The following NEGR1 variants were observed in gnomAD, a reference collection of about 807,000 sequenced individuals.
The protein encoded by NEGR1 is IgLON family member 4.
Under a neutral mutation model 40.9 loss-of-function variants are expected in NEGR1, and 10 were observed. That is an observed-to-expected ratio of 0.24 (90% CI 0.15 to 0.42). The LOEUF (loss-of-function observed/expected upper bound fraction) is 0.42. Ranked by LOEUF, NEGR1 falls within the 10% of genes least tolerant of loss-of-function variation. The probability of loss-of-function intolerance (pLI) is 1.00; values close to 1 mark genes in which losing one functional copy is unlikely to be tolerated. For missense variants in NEGR1, 352 were observed against 438.9 expected (o/e 0.80, Z 1.77); for synonymous variants, 185 against 166.8 (o/e 1.11, Z -0.84).
chr1:71,503,237 G>C (rs1445566891), intron 6 of NEGR1, among the ~76,000 whole-genome samples: 1 of 152,176 alleles, frequency 6.6e-6, no homozygotes, highest in African/African-American at 2.4e-5. Context: ...GGTGTGCCAA[G>C]CTTTAATTCT....
intron 1 of NEGR1, among the ~76,000 whole-genome samples, chr1:72,024,380 C>T: frequency 6.6e-6 from 1 of 151,794 alleles, no homozygotes. Flanking sequence ...AAGACAGGAT[C>T]ATTAACAGCA....
intron 2 of NEGR1, among the ~76,000 whole-genome samples, chr1:71,860,198 TA>T (rs35933746): frequency 0.42 from 62,186 of 146,394 alleles, 13,049 homozygotes; most frequent in East Asian, 0.61. Context: ...TCTCATCATT[TA>T]AAAAAAAAAA....
At chr1:72,163,534 T>C (rs1207235177) in intron 1 of NEGR1, among the ~76,000 whole-genome samples, 3 of 152,080 alleles carry the variant, frequency 2.0e-5, no homozygotes, top group Non-Finnish European at 2.9e-5. Context: ...GAGAATGTAG[T>C]TTTAGAACAA....
chr1:71,441,388 C>T lies in NEGR1; in HGVS notation c.941-33818G>A, dbSNP rs527464543. On this transcript the variant is annotated intron_variant, in intron 6 of 6. Transcript: ENST00000357731. ...GGGGGCAGTATGTATTTCCCTGCCT[C>T]ATGACTTTGAATTAGCCATGAGACT... is the stretch of plus-strand genomic sequence containing the variant. Among the ~76,000 whole-genome samples, 7 of 152,304 alleles carry T rather than the reference C, an allele frequency of 4.6e-5. No homozygotes were observed. In the South Asian group the frequency reaches 6.2e-4, roughly 14 times the overall value.
intron 6 of NEGR1, among the ~76,000 whole-genome samples, chr1:71,420,091 A>G (rs1533520): frequency 0.94 from 142,267 of 152,048 alleles, 66,955 homozygotes; most frequent in Non-Finnish European, 0.99. Flanking sequence ...GTTTGAAATC[A>G]TTTTTGACTA....
chr1:71,898,178 G>A (rs978996914), intron 2 of NEGR1, among the ~76,000 whole-genome samples: 1 of 152,150 alleles, frequency 6.6e-6, no homozygotes. Context: ...AGTCTGGTAG[G>A]TATTTAAAAT....
chr1:71,442,759 G>A (rs769127986), intron 6 of NEGR1, among the ~76,000 whole-genome samples: 2 of 152,238 alleles, frequency 1.3e-5, no homozygotes, highest in Non-Finnish European at 2.9e-5. Flanking sequence ...ACAGGTGAGT[G>A]TAATTCTGAG....
chr1:71,841,161 T>G (rs957083868), intron 2 of NEGR1, among the ~76,000 whole-genome samples: 1 of 152,048 alleles, frequency 6.6e-6, no homozygotes, highest in African/African-American at 2.4e-5. Context: ...AGTCACCCAA[T>G]AGAAGGATCA....
At chr1:72,119,059 T>G (rs1649691887) in intron 1 of NEGR1, among the ~76,000 whole-genome samples, 1 of 151,800 alleles carries the variant, frequency 6.6e-6, no homozygotes, top group South Asian at 2.1e-4. Context: ...TTTTCCAAGA[T>G]AAAAATATTA....
intron 1 of NEGR1, among the ~76,000 whole-genome samples, chr1:71,961,117 G>A (rs1388651976): frequency 1.6e-4 from 25 of 151,878 alleles, no homozygotes; most frequent in South Asian, 2.1e-4. Context: ...CATATTTTAG[G>A]CTCACTAAGA....
At chr1:71,618,367 T>A (rs1181783834) in intron 4 of NEGR1, among the ~76,000 whole-genome samples, 4 of 152,142 alleles carry the variant, frequency 2.6e-5, no homozygotes, top group African/African-American at 9.7e-5. Flanking sequence ...TGGGACAACC[T>A]CAAATCTCCA....
chr1:72,137,730 AT>A (rs1271752214), intron 1 of NEGR1, among the ~76,000 whole-genome samples: 2 of 152,184 alleles, frequency 1.3e-5, no homozygotes, highest in Non-Finnish European at 1.5e-5. Flanking sequence ...TAATAAAAAA[AT>A]AAAAAAGAAT....
At chr1:72,268,620 A>G (rs1655734658) in intron 1 of NEGR1, among the ~76,000 whole-genome samples, 1 of 151,534 alleles carries the variant, frequency 6.6e-6, no homozygotes, top group Admixed American at 6.6e-5. Flanking sequence ...GATTACCTAT[A>G]GGAAAAACTG....
chr1:71,896,849 A>G (rs1557691782), intron 2 of NEGR1, among the ~76,000 whole-genome samples: 1 of 152,204 alleles, frequency 6.6e-6, no homozygotes, highest in Admixed American at 6.5e-5. Context: ...TCAAAAATCA[A>G]TTGACCATAA....
chr1:71,853,519 G>T (rs1197240724), intron 2 of NEGR1, among the ~76,000 whole-genome samples: 1 of 151,928 alleles, frequency 6.6e-6, no homozygotes, highest in African/African-American at 2.4e-5. Context: ...CCGTGCCTTT[G>T]TCTTGAAAAA....
intron 1 of NEGR1, among the ~76,000 whole-genome samples, chr1:72,178,364 C>G (rs997653226): frequency 4.6e-5 from 7 of 151,898 alleles, no homozygotes; most frequent in Non-Finnish European, 1.0e-4. Flanking sequence ...GAATGTCACA[C>G]ATTCATTGGC....
rs1325997584 is a variant in NEGR1 at position 71,664,235 on chromosome 1, C to T, written c.667+33773G>A. Among the ~76,000 whole-genome samples, 11 of 152,266 alleles carry T rather than the reference C, an allele frequency of 7.2e-5. 1 individual carries two copies. The South Asian group carries it at 1.5e-3, about 20-fold the overall frequency. On this transcript the variant is annotated intron_variant, in intron 4 of 6. Coordinates refer to ENST00000357731, the MANE Select transcript of NEGR1 (RefSeq NM_173808.3). ...CTTCTTAGAATACAATGCCTTTACACTGAGTGAAAGCATGTGGGATGAACA... is the reference window on the plus strand; with the variant it reads ...CTTCTTAGAATACAATGCCTTTACATTGAGTGAAAGCATGTGGGATGAACA...
At chr1:72,087,120 C>G (rs1169865724) in intron 1 of NEGR1, among the ~76,000 whole-genome samples, 1 of 152,032 alleles carries the variant, frequency 6.6e-6, no homozygotes, top group Non-Finnish European at 1.5e-5. Flanking sequence ...TCTACAATTA[C>G]TTAGAATATT....
intron 2 of NEGR1, among the ~76,000 whole-genome samples, chr1:71,917,278 T>G (rs770039157): frequency 6.6e-6 from 1 of 152,188 alleles, no homozygotes; most frequent in African/African-American, 2.4e-5. Context: ...CAGAAGGTGA[T>G]GTACTAGAAG....
Sources: allele counts gnomAD v4.1 joint callset (sites outside exome capture counted in the v4.1 genomes callset), GRCh38; gene constraint gnomAD v4.1.1; transcripts MANE v1.5; gene names NCBI Gene and HGNC (gene_info 2026-07-23, HGNC 2026-07-21).